Variants in KLF12 observed in about 807,000 individuals in gnomAD.
KLF12 encodes Krueppel-like factor 12.
A neutral mutation model predicts 37.8 loss-of-function variants in KLF12; 9 were observed. The observed-to-expected ratio is 0.24, with a 90% confidence interval of 0.14 to 0.42. The LOEUF is 0.42. Ranked by LOEUF, KLF12 falls within the 10% of genes least tolerant of loss-of-function variation. KLF12 has a pLI of 1.00. For synonymous variants in KLF12, 208 were observed against 202.1 expected, an observed-to-expected ratio of 1.03 and a Z score of -0.25; for missense variants, 411 against 516.0, an observed-to-expected ratio of 0.80 and a Z score of 1.97.
the KLF12 span, among the ~76,000 whole-genome samples, chr13:74,151,131 T>G: frequency 6.6e-6 from 1 of 152,236 alleles, no homozygotes. Context: ...ACTGTTAACT[T>G]ATTTAGGTAA....
At chr13:74,257,169 T>G in the KLF12 span, 1 of 152,308 alleles carries the variant, frequency 6.6e-6, no homozygotes. Context: ...TGGCTGTTCC[T>G]GGAAACTCTC....
chr13:73,763,873 G>A lies in KLF12; in HGVS notation c.869+1065C>T, dbSNP rs111285686. On this transcript the variant is annotated intron_variant, in intron 6 of 7. Transcript: ENST00000377669. ...GCTCTGAGGCAAGGTGTAAGCAAAC[G>A]CCTCTGTGCCCCATTTCCCCCTCTG... is the stretch of plus-strand genomic sequence containing the variant. Among the ~76,000 whole-genome samples, 1,447 of 152,208 alleles carry A rather than the reference G, an allele frequency of 9.5e-3. 23 individuals are homozygous for A. The highest frequency in any genetic ancestry group is 0.033 in the African/African-American group (1,361 of 41,526).
intron 2 of KLF12, among the ~76,000 whole-genome samples, chr13:73,960,073 T>C (rs1410909612): frequency 6.6e-6 from 1 of 151,938 alleles, no homozygotes; most frequent in Non-Finnish European, 1.5e-5. Flanking sequence ...CCAATGTGAG[T>C]CTCAAAAAGT....
chr13:73,926,695 A>G (rs1417884132), intron 3 of KLF12, among the ~76,000 whole-genome samples: 1 of 152,006 alleles, frequency 6.6e-6, no homozygotes, highest in Non-Finnish European at 1.5e-5. Flanking sequence ...AGAACTAATC[A>G]AACTATATCA....
intron 1 of KLF12, among the ~76,000 whole-genome samples, chr13:74,011,627 G>C (rs1488636380): frequency 6.6e-6 from 1 of 152,144 alleles, no homozygotes; most frequent in Non-Finnish European, 1.5e-5. Flanking sequence ...ATTTGCCGCA[G>C]ACTAAGTACT....
chr13:73,945,000 T>C (rs752445326), intron 2 of KLF12, among the ~76,000 whole-genome samples: 1 of 152,198 alleles, frequency 6.6e-6, no homozygotes, highest in Non-Finnish European at 1.5e-5. Context: ...TTTAGAATGG[T>C]TATTTTTACT....
Position 73,827,960 on chromosome 13 carries a change from C to G in KLF12, c.671-14673G>C, listed in dbSNP as rs1883940724. 2.0e-5 allele frequency among the ~76,000 whole-genome samples: 3 copies of G among 152,178 alleles called. No individual in the cohort carries two copies. In the South Asian group the frequency reaches 6.2e-4, roughly 32 times the overall value. ...ACATTTTTCAAACCAGTTCTAAGCT[C>G]TCCTTTCCTTTTGGGTTTTTCTGTT... On this transcript the variant is annotated intron_variant, in intron 4 of 7. Transcript: ENST00000377669.
chr13:73,993,642 C>T (rs1892030421), intron 2 of KLF12, among the ~76,000 whole-genome samples: 1 of 152,160 alleles, frequency 6.6e-6, no homozygotes, highest in Non-Finnish European at 1.5e-5. Flanking sequence ...AAATTTACTA[C>T]CTTTGCCACT....
intron 1 of KLF12, among the ~76,000 whole-genome samples, chr13:74,006,169 G>A (rs1447407913): frequency 1.3e-5 from 2 of 151,976 alleles, no homozygotes; most frequent in African/African-American, 2.4e-5. Flanking sequence ...CTCCCTCTCC[G>A]CCATGGTCTC....
chr13:74,032,884 T>C (rs1262490922), intron 1 of KLF12, among the ~76,000 whole-genome samples: 2 of 152,198 alleles, frequency 1.3e-5, no homozygotes, highest in Non-Finnish European at 1.5e-5. Flanking sequence ...CCAAAAAGTA[T>C]TTAAAATTTT....
At chr13:74,001,248 A>C (rs1892273857) in intron 1 of KLF12, among the ~76,000 whole-genome samples, 1 of 152,226 alleles carries the variant, frequency 6.6e-6, no homozygotes. Context: ...GGCTGGTGGA[A>C]GGAAGGGAAG....
chr13:74,195,530 G>GTCTTGGT, the KLF12 span, among the ~76,000 whole-genome samples: 1 of 152,166 alleles, frequency 6.6e-6, no homozygotes, highest in African/African-American at 2.4e-5. Context: ...TTGGGAAGCA[G>GTCTTGGT]TCTTGGTTCC....
At chr13:74,294,691 C>T in the KLF12 span, among the ~76,000 whole-genome samples, 5 of 152,032 alleles carry the variant, frequency 3.3e-5, no homozygotes, top group African/African-American at 4.8e-5. Context: ...TCTCTTGTAA[C>T]TGTGTTAAGA....
chr13:73,725,651 T>C (rs181092959), intron 6 of KLF12, among the ~76,000 whole-genome samples: 1 of 151,650 alleles, frequency 6.6e-6, no homozygotes, highest in Non-Finnish European at 1.5e-5. Flanking sequence ...CTCCTTGTAC[T>C]AATAGCCTCA....
At chr13:74,090,676 C>A (rs1288497644) in intron 1 of KLF12, among the ~76,000 whole-genome samples, 4 of 151,982 alleles carry the variant, frequency 2.6e-5, no homozygotes, top group Non-Finnish European at 4.4e-5. Flanking sequence ...TGAGGTCTGT[C>A]GCCTGTTTTT....
At chr13:73,997,450 C>T (rs1477229991) in intron 1 of KLF12, among the ~76,000 whole-genome samples, 1 of 152,054 alleles carries the variant, frequency 6.6e-6, no homozygotes, top group East Asian at 1.9e-4. Context: ...AATCAACAGC[C>T]TAGATATCGA....
At chr13:73,922,466 G>A (rs1889161955) in intron 3 of KLF12, among the ~76,000 whole-genome samples, 1 of 152,184 alleles carries the variant, frequency 6.6e-6, no homozygotes. Context: ...AGGAACAGCT[G>A]AGGGAGAACA....
intron 6 of KLF12, among the ~76,000 whole-genome samples, chr13:73,730,465 C>CAAG (rs973091057): frequency 4.6e-5 from 7 of 152,104 alleles, no homozygotes; most frequent in African/African-American, 1.7e-4. Context: ...TTTTCCACAC[C>CAAG]AAGAATTTTG....
chr13:74,100,155 G>A (rs893887952), intron 1 of KLF12, among the ~76,000 whole-genome samples: 43 of 152,074 alleles, frequency 2.8e-4, no homozygotes, highest in African/African-American at 9.9e-4. Context: ...AGATGAGATA[G>A]GGAAAATAAG....
Sources: allele counts gnomAD v4.1 joint callset (sites outside exome capture counted in the v4.1 genomes callset), GRCh38; gene constraint gnomAD v4.1.1; transcripts MANE v1.5; gene names NCBI Gene and HGNC (gene_info 2026-07-23, HGNC 2026-07-21).